The following PPP1R1C variants were observed in gnomAD, a reference collection of about 807,000 sequenced individuals.
PPP1R1C encodes the protein protein phosphatase 1 regulatory inhibitor subunit 1C.
PPP1R1C carries 15 observed loss-of-function variants against 17.4 expected under a neutral mutation model. That is an observed-to-expected ratio of 0.86 (90% confidence interval 0.58 to 1.33). The LOEUF is 1.33. Among genes scored for constraint, PPP1R1C ranks in the 40% most tolerant of loss-of-function variants. The probability of loss-of-function intolerance (pLI) is 0.00; values close to 1 mark genes in which losing one functional copy is unlikely to be tolerated. For missense variants in PPP1R1C, 143 were observed against 130.0 expected, an observed-to-expected ratio of 1.10 and a Z score of -0.48; for synonymous variants, 35 against 43.1, an observed-to-expected ratio of 0.81 and a Z score of 0.73.
At chr2:181,965,322 T>G (rs1684887689) in intron 1 of PPP1R1C, among the ~76,000 whole-genome samples, 1 of 152,218 alleles carries the variant, frequency 6.6e-6, no homozygotes, top group Non-Finnish European at 1.5e-5. Context: ...TTTATCCATT[T>G]TTGCTTTAGT....
chr2:181,962,208 G>A lies in PPP1R1C; in HGVS notation n.111+7574G>A. ...CTCACTCTGTCCAGGTAGGAGGCCA[G>A]ACGGTCATTCAGGCTTTGCATTGTC... On this transcript the variant is annotated intron_variant and non_coding_transcript_variant, in intron 1 of 5. Transcript: ENST00000464264. The surrounding 1 kb of genome is among the most constrained non-coding windows in gnomAD (Gnocchi z 6.0). The A allele has an allele frequency of 1.4e-6, 1 of 737,452 alleles. No individual in the cohort carries two copies. The highest frequency in any genetic ancestry group is 2.5e-6 in the Non-Finnish European group (1 of 404,846). The allele number at this position is 737,452 out of a possible 1,614,324, so 45.7% of individuals were successfully genotyped here.
chr2:182,123,110 T>C (rs1483741248), intron 5 of PPP1R1C, among the ~76,000 whole-genome samples: 1 of 152,232 alleles, frequency 6.6e-6, no homozygotes, highest in African/African-American at 2.4e-5. Flanking sequence ...GGTGTTTGCT[T>C]TTCTGTTCCT....
chr2:182,047,177 T>G (rs1428107859), intron 2 of PPP1R1C, among the ~76,000 whole-genome samples: 1 of 152,156 alleles, frequency 6.6e-6, no homozygotes, highest in Non-Finnish European at 1.5e-5. Context: ...GTAAGGAAAT[T>G]GGTCATAAGA....
At chr2:182,063,894 C>T (rs1345412902) in intron 4 of PPP1R1C, 103 bp downstream of exon 4, 2 of 859,940 alleles carry the variant, frequency 2.3e-6, no homozygotes, top group East Asian at 2.4e-5. Flanking sequence ...TAGATCTAGT[C>T]TCAGCTCTAC....
At chr2:182,022,211 A>G (rs73976932) in intron 2 of PPP1R1C, among the ~76,000 whole-genome samples, 3,056 of 152,332 alleles carry the variant, frequency 0.02, 103 homozygotes, top group African/African-American at 0.069. Flanking sequence ...TTTTTTGGTT[A>G]ACACCATCTT....
chr2:182,114,595 C>T (rs192631587), intron 4 of PPP1R1C, among the ~76,000 whole-genome samples: 73 of 152,254 alleles, frequency 4.8e-4, no homozygotes, highest in African/African-American at 1.6e-3. Context: ...TCAAGGCACA[C>T]ATCAACCAAT....
intron 2 of PPP1R1C, among the ~76,000 whole-genome samples, chr2:182,050,320 T>C (rs2125187492): frequency 6.6e-6 from 1 of 152,364 alleles, no homozygotes. Flanking sequence ...CTTGATTTCA[T>C]AGAAGTTTAT....
chr2:181,968,868 TG>T (rs1684953828), intron 1 of PPP1R1C, among the ~76,000 whole-genome samples: 1 of 152,156 alleles, frequency 6.6e-6, no homozygotes, highest in African/African-American at 2.4e-5. Flanking sequence ...ATCTGTTGTA[TG>T]TTTTTTGATT....
chr2:181,991,026 T>C lies in PPP1R1C; in HGVS notation c.142+3127T>C, dbSNP rs1685459220. ...AAAGCAAAGAAAATTAAATTCTTCA[T>C]TATAGAAACATAAGTAATAAAACAT... On this transcript the variant is annotated intron_variant, in intron 2 of 4. Transcript: ENST00000682840. 2.0e-5 allele frequency among the ~76,000 whole-genome samples: 3 copies of C among 152,154 alleles called. No homozygotes were observed. The South Asian group carries it at 6.2e-4, about 32-fold the overall frequency.
At chr2:182,069,288 T>A (rs1300635043) in intron 4 of PPP1R1C, among the ~76,000 whole-genome samples, 1 of 151,772 alleles carries the variant, frequency 6.6e-6, no homozygotes, top group Non-Finnish European at 1.5e-5. Flanking sequence ...TTTTTTTTTT[T>A]AAACCCAAGT....
downstream of PPP1R1C, among the ~76,000 whole-genome samples, chr2:182,119,374 G>A (rs571940831): frequency 1.9e-3 from 293 of 151,562 alleles, 2 homozygotes; most frequent in South Asian, 0.023. Context: ...ATACGTGTGC[G>A]TGTGTCTTTA....
chr2:182,090,182 G>T (rs1162322164), intron 4 of PPP1R1C, among the ~76,000 whole-genome samples: 2 of 152,018 alleles, frequency 1.3e-5, no homozygotes, highest in African/African-American at 4.8e-5. Context: ...GTGTACAGAT[G>T]AATGCTAATT....
At chr2:182,077,579 T>G (rs1280014189) in intron 4 of PPP1R1C, among the ~76,000 whole-genome samples, 2 of 152,198 alleles carry the variant, frequency 1.3e-5, no homozygotes, top group African/African-American at 4.8e-5. Flanking sequence ...TTCACGTAAT[T>G]ATGTAATTAC....
chr2:182,083,734 A>G (rs1449557145), intron 4 of PPP1R1C, among the ~76,000 whole-genome samples: 1 of 152,140 alleles, frequency 6.6e-6, no homozygotes, highest in East Asian at 1.9e-4. Context: ...ACATGTGTAC[A>G]GGTGTCTTTT....
intron 2 of PPP1R1C, among the ~76,000 whole-genome samples, chr2:182,052,816 GTAAAA>G (rs1304873643): frequency 6.6e-6 from 1 of 152,038 alleles, no homozygotes. Context: ...AATATTTTTA[GTAAAA>G]TAAAATCATA....
At chr2:182,081,887 A>G (rs1378220254) in intron 4 of PPP1R1C, among the ~76,000 whole-genome samples, 1 of 152,220 alleles carries the variant, frequency 6.6e-6, no homozygotes, top group African/African-American at 2.4e-5. Context: ...GTCCACATAA[A>G]AAGTCATAAA....
At chr2:181,971,966 T>G (rs1292884298) in intron 1 of PPP1R1C, among the ~76,000 whole-genome samples, 2 of 152,228 alleles carry the variant, frequency 1.3e-5, no homozygotes, top group Non-Finnish European at 2.9e-5. Flanking sequence ...GTGTCTGCAA[T>G]TCAAGCGTAT....
chr2:181,982,669 C>T (rs1016014677), upstream of PPP1R1C, among the ~76,000 whole-genome samples: 7 of 151,922 alleles, frequency 4.6e-5, no homozygotes, highest in East Asian at 1.9e-4. Flanking sequence ...AAAAAGGGAG[C>T]GGGGAGGCAG....
upstream of PPP1R1C, among the ~76,000 whole-genome samples, chr2:181,984,730 C>T (rs1260887209): frequency 6.6e-6 from 1 of 152,152 alleles, no homozygotes; most frequent in Non-Finnish European, 1.5e-5. Context: ...ATAAAAACTT[C>T]AATTGTAAAT....
Sources: allele counts gnomAD v4.1 joint callset (sites outside exome capture counted in the v4.1 genomes callset), GRCh38; gene constraint gnomAD v4.1.1; non-coding constraint Gnocchi (gnomAD v3.1); transcripts MANE v1.5; gene names NCBI Gene and HGNC (gene_info 2026-07-23, HGNC 2026-07-21).